MYO5C: variants seen among roughly 807,000 people sequenced by gnomAD.
MYO5C encodes unconventional myosin-Vc.
A neutral mutation model predicts 235.7 loss-of-function variants in MYO5C; 194 were observed. The ratio of observed to expected loss-of-function variants is 0.82; its 90% CI spans 0.73 to 0.93. The LOEUF (loss-of-function observed/expected upper bound fraction) is 0.93. MYO5C is among the 40% of genes least tolerant of loss of function. MYO5C has a pLI of 0.00. For synonymous variants in MYO5C, 707 were observed against 754.8 expected (o/e 0.94, Z 1.04); for missense variants, 2,038 against 2,127.2 (o/e 0.96, Z 0.82).
chr15:52,276,944 A>G (rs1344745409), intron 4 of MYO5C, among the ~76,000 whole-genome samples: 1 of 151,970 alleles, frequency 6.6e-6, no homozygotes, highest in East Asian at 2.0e-4. Flanking sequence ...AAATCCTACG[A>G]CATAGATATC....
chr15:52,284,303 G>C (rs189755187), intron 1 of MYO5C, among the ~76,000 whole-genome samples: 88 of 152,114 alleles, frequency 5.8e-4, no homozygotes, highest in African/African-American at 2.0e-3. Flanking sequence ...GCATGGGTGA[G>C]TCACCAAAGC....
intron 1 of MYO5C, among the ~76,000 whole-genome samples, chr15:52,285,044 C>T (rs970551929): frequency 1.3e-5 from 2 of 151,946 alleles, no homozygotes; most frequent in East Asian, 3.9e-4. Flanking sequence ...TTAACATGTT[C>T]ATATAAAAAT....
chr15:52,221,773 A>G (rs1031702790), intron 29 of MYO5C, among the ~76,000 whole-genome samples: 2 of 152,176 alleles, frequency 1.3e-5, no homozygotes, highest in Non-Finnish European at 2.9e-5. Context: ...AGGTTAAAAC[A>G]GGGTTTTTTT....
In MYO5C at chr15:52,247,546, G is replaced by T. The variant is rs148211165; in HGVS notation, c.1793C>A (p.Ser598Tyr). Residue 598 changes from serine to tyrosine, a missense_variant, in exon 15 of 41, where the codon TCT (serine) becomes TAT (tyrosine). Coordinates refer to ENST00000261839, the MANE Select transcript of MYO5C (RefSeq NM_018728.4). The part of the protein sequence containing the change: ...NFFQENPTPP[S>Y]PFGSMITVKS... ...AACTGTAATCATTGAACCAAAAGGA[G>T]AAGGAGGAGTTGGATTTTCTTGAAA... 1 of 1,614,210 alleles carries T rather than the reference G, an allele frequency of 6.2e-7. No homozygotes were observed. The highest frequency in any genetic ancestry group is 2.2e-5 in the East Asian group (1 of 44,890).
At chr15:52,204,700 G>A (rs1184630968) in intron 38 of MYO5C, among the ~76,000 whole-genome samples, 165 bp downstream of exon 38, 1 of 152,092 alleles carries the variant, frequency 6.6e-6, no homozygotes, top group African/African-American at 2.4e-5. Flanking sequence ...GGCCCTGGGC[G>A]CCAGCATCCC....
rs866860381 is a variant in MYO5C at position 52,282,761 on chromosome 15, G to A, written c.138+21C>T. 3 of 1,518,948 alleles carry A rather than the reference G, an allele frequency of 2.0e-6. No homozygotes were observed. The African/African-American group carries it at 4.1e-5, about 21-fold the overall frequency. 94.1% of individuals were successfully genotyped at this position (1,518,948 alleles called of 1,614,324 possible). A position where few individuals can be genotyped will look rare whatever the true frequency, so the allele number is the denominator to read the frequency against. ...TACCGCTTTACACATCGACGTAGCT[G>A]TGAACAGCAAGGACCCTCACCGTTC... On this transcript the variant is annotated intron_variant, in intron 2 of 40. Coordinates refer to ENST00000261839, the MANE Select transcript of MYO5C (RefSeq NM_018728.4).
intron 5 of MYO5C, among the ~76,000 whole-genome samples, chr15:52,274,669 T>TA (rs1426799149): frequency 1.7e-5 from 2 of 119,992 alleles, no homozygotes; most frequent in African/African-American, 7.2e-5. Context: ...TGTTTCTTAG[T>TA]ACCCCCCCCC....
chr15:52,252,498 G>T (rs143798169), intron 12 of MYO5C, among the ~76,000 whole-genome samples: 1 of 151,336 alleles, frequency 6.6e-6, no homozygotes, highest in Non-Finnish European at 1.5e-5. Flanking sequence ...AAAATTGGCC[G>T]GGCGCAGTGG....
intron 38 of MYO5C, among the ~76,000 whole-genome samples, chr15:52,203,280 G>C (rs901923411): frequency 6.6e-6 from 1 of 151,834 alleles, no homozygotes; most frequent in Non-Finnish European, 1.5e-5. Context: ...AGGAGAATAG[G>C]GTATCCATTT....
At chr15:52,243,582 C>T (rs2036271030) in intron 19 of MYO5C, 1 of 152,384 alleles carries the variant, frequency 6.6e-6, no homozygotes, top group Admixed American at 6.5e-5. Flanking sequence ...AGGAAGAAGT[C>T]AGGCTTGCAG....
At position 52,277,759 on chromosome 15, in the gene MYO5C, C is replaced by T. The variant is rs1373545645; in HGVS notation, c.449+1114G>A. 7 of 442,710 alleles carry T rather than the reference C, an allele frequency of 1.6e-5. No homozygotes were observed. In the East Asian group the frequency reaches 2.8e-4, roughly 18 times the overall value. 27.4% of individuals were successfully genotyped at this position (442,710 alleles called of 1,614,324 possible). ...CCAGGGACAGGGAGCTGCACGGCAC[C>T]GGGTCTCTGATGACTCTGAAGAAGC... On this transcript the variant is annotated intron_variant, in intron 4 of 40. Transcript: ENST00000261839.
chr15:52,268,346 C>G (rs761324194), intron 8 of MYO5C, among the ~76,000 whole-genome samples: 1 of 152,124 alleles, frequency 6.6e-6, no homozygotes, highest in East Asian at 1.9e-4. Flanking sequence ...GGGCAGATCA[C>G]GAGGTCAGGA....
chr15:52,263,778 G>C (rs563160187), intron 9 of MYO5C, among the ~76,000 whole-genome samples: 1 of 152,030 alleles, frequency 6.6e-6, no homozygotes, highest in South Asian at 2.1e-4. Context: ...TGCCCCCTCT[G>C]CTTTACTTTC....
In MYO5C at chr15:52,223,700, A is replaced by G; in HGVS notation, c.3471T>C (p.Ser1157=). ...ATRVLESHFQ[S]QKDCYEKEIE... The stretch of plus-strand genomic sequence containing the variant: ...TCTCCTTTTCATAGCAATCCTTCTG[A>G]GACTGGAAATGGCTCTCCAAAACAC... Residue 1157 remains serine, a synonymous_variant, in exon 29 of 41, where the codon TCT becomes TCC. Coordinates refer to ENST00000261839, the MANE Select transcript of MYO5C (RefSeq NM_018728.4). 6.2e-7 allele frequency: 1 copy of G among 1,614,072 alleles called. No homozygotes were observed. Among genetic ancestry groups the G allele is most frequent in the Non-Finnish European group, 8.5e-7 (1 of 1,179,982 alleles).
Position 52,204,989 on chromosome 15 carries a change from C to A in MYO5C, c.4696G>T (p.Gly1566Cys). The A allele has an allele frequency of 6.2e-7, 1 of 1,614,232 alleles. No homozygotes were observed. The highest frequency in any genetic ancestry group is 8.5e-7 in the Non-Finnish European group (1 of 1,180,046). The change falls in exon 38 of 41, where the codon GGC becomes TGC. Residue 1566 changes from glycine (G) to cysteine (C), a missense_variant. Transcript: ENST00000261839. ...SYFYTTMCQN[G>C]LDPELVRQAV... ...TGCCTCACAAGCTCGGGGTCCAGGCCGTTCTGGCACATGGTGGTGTAAAAG... is the reference window on the plus strand; with the variant it reads ...TGCCTCACAAGCTCGGGGTCCAGGCAGTTCTGGCACATGGTGGTGTAAAAG...
intron 25 of MYO5C, among the ~76,000 whole-genome samples, chr15:52,225,866 A>C (rs1278180042): frequency 6.6e-6 from 1 of 152,084 alleles, no homozygotes; most frequent in Non-Finnish European, 1.5e-5. Context: ...CCTGACCAAC[A>C]TGGTAAAATC....
intron 19 of MYO5C, chr15:52,242,474 G>A (rs1166950006): frequency 1.9e-5 from 8 of 428,102 alleles, no homozygotes; most frequent in South Asian, 3.1e-5. Flanking sequence ...CCACAGAGAC[G>A]ATGATGAGAC....
chr15:52,255,650 G>A (rs549496072), intron 11 of MYO5C, among the ~76,000 whole-genome samples: 11 of 152,194 alleles, frequency 7.2e-5, no homozygotes, highest in African/African-American at 2.6e-4. Flanking sequence ...CAGTACTGTT[G>A]GGAATTCAAA....
Position 52,248,803 on chromosome 15 carries a change from AATT to A in MYO5C, c.1663-23_1663-21del. ...CTCTACCTATACAGAGAAAGCAATT[AATT>A]ATTCCCAAAGAGGCCAAAGAATATA... On this transcript the variant is annotated intron_variant, in intron 13 of 40. Transcript: ENST00000261839. 1 of 1,557,650 alleles carries A rather than the reference AATT, an allele frequency of 6.4e-7. No homozygotes were observed. Among genetic ancestry groups the A allele is most frequent in the Non-Finnish European group, 8.8e-7 (1 of 1,130,298 alleles).
Sources: allele counts gnomAD v4.1 joint callset (sites outside exome capture counted in the v4.1 genomes callset), GRCh38; gene constraint gnomAD v4.1.1; transcripts MANE v1.5; gene names NCBI Gene and HGNC (gene_info 2026-07-23, HGNC 2026-07-21).